DNAH17: variants seen among roughly 807,000 people sequenced by gnomAD.
DNAH17 encodes the protein axonemal beta dynein heavy chain 17.
DNAH17 carries 376 observed loss-of-function variants against 485.6 expected under a neutral mutation model. The ratio of observed to expected loss-of-function variants is 0.77; its 90% confidence interval spans 0.71 to 0.84. The LOEUF (loss-of-function observed/expected upper bound fraction) is 0.84. Among genes scored for constraint, DNAH17 ranks in the 40% least tolerant of loss-of-function variants. DNAH17 has a pLI of 0.00. For missense variants in DNAH17, 6,370 were observed against 5,839.3 expected, an observed-to-expected ratio of 1.09 and a Z score of -2.96; for synonymous variants, 3,031 against 2,405.9, an observed-to-expected ratio of 1.26 and a Z score of -7.60.
At position 78,454,619 on chromosome 17, in the gene DNAH17, G is replaced by A; in HGVS notation, c.10257C>T (p.Leu3419=). ...TCTCGGTGGACATGCGGTCGCTGGG[G>A]AGGCCCTGGTTGTTCCAGGTGGCCA... ...ADVATWNNQG[L]PSDRMSTENA... The change falls in exon 64 of 81, where the codon CTC becomes CTT. Residue 3419 remains leucine (L), a synonymous_variant. Coordinates refer to ENST00000389840, the MANE Select transcript of DNAH17 (RefSeq NM_173628.4). 6.2e-7 allele frequency: 1 copy of A among 1,612,542 alleles called. No homozygotes were observed. Among genetic ancestry groups the A allele is most frequent in the Non-Finnish European group, 8.5e-7 (1 of 1,179,702 alleles).
chr17:78,560,303 G>A (rs1263976511), intron 13 of DNAH17, among the ~76,000 whole-genome samples: 3 of 152,192 alleles, frequency 2.0e-5, no homozygotes, highest in East Asian at 3.9e-4. Context: ...CTTGCCACGT[G>A]CAGATTGGGC....
chr17:78,427,182 G>T lies in DNAH17; in HGVS notation c.12589-74C>A, dbSNP rs377493055. 1.3e-5 allele frequency: 19 copies of T among 1,478,398 alleles called. No homozygotes were observed. The African/African-American group carries it at 2.5e-4, about 20-fold the overall frequency. 91.6% of individuals were successfully genotyped at this position (1,478,398 alleles called of 1,614,324 possible). A position where few individuals can be genotyped will look rare whatever the true frequency, so the allele number is the denominator to read the frequency against. On this transcript the variant is annotated intron_variant, in intron 77 of 80. Transcript: ENST00000389840. The stretch of plus-strand genomic sequence containing the variant: ...CACCCACTGCAGGGTCAGGGAGCCT[G>T]CCCAAAATGTTCCCAGCCCCAAGTC...
chr17:78,426,941 C>T lies in DNAH17; in HGVS notation c.12756G>A (p.Leu4252=). ...CCATGTTTACCTTCAGCCCCAGGTT[C>T]AGCTCCTTGAGCGAACGGCGCATTT... ...TNEMRRSLKE[L]NLGLKGELTI... Residue 4252 remains leucine (L), a synonymous_variant, in exon 78 of 81, where the codon CTG becomes CTA. Coordinates refer to ENST00000389840, the MANE Select transcript of DNAH17 (RefSeq NM_173628.4). 1.2e-6 allele frequency: 2 copies of T among 1,606,438 alleles called. No homozygotes were observed. Among genetic ancestry groups the T allele is most frequent in the South Asian group, 2.2e-5 (2 of 89,502 alleles).
intron 19 of DNAH17, among the ~76,000 whole-genome samples, chr17:78,534,255 T>A (rs572900939): frequency 2.0e-5 from 3 of 152,262 alleles, no homozygotes; most frequent in East Asian, 3.9e-4. Flanking sequence ...AGAGGCCCCA[T>A]CGGGACCCAG....
In DNAH17 at chr17:78,529,708, G is replaced by A. The variant is rs760996214; in HGVS notation, c.3285-14C>T. 4 of 1,612,854 alleles carry A rather than the reference G, an allele frequency of 2.5e-6. No individual in the cohort carries two copies. In the Admixed American group the frequency reaches 6.7e-5, roughly 27 times the overall value. On this transcript the variant is annotated splice_polypyrimidine_tract_variant and intron_variant, in intron 21 of 80. Coordinates refer to ENST00000389840, the MANE Select transcript of DNAH17 (RefSeq NM_173628.4). Reference sequence around the variant, plus strand: ...AGGTCAGCCAGGCTAAGGGACAAGGGGACCATTTGTGTGGCCCCAGCCCCC... The same window carrying A: ...AGGTCAGCCAGGCTAAGGGACAAGGAGACCATTTGTGTGGCCCCAGCCCCC...
chr17:78,492,551 C>T, intron 42 of DNAH17, 82 bp downstream of exon 42: 1 of 1,562,792 alleles, frequency 6.4e-7, no homozygotes. Context: ...GGCTGGCCTT[C>T]CACGTGGGAA....
At chr17:78,540,217 C>A (rs1024909927) in intron 17 of DNAH17, among the ~76,000 whole-genome samples, 5 of 148,858 alleles carry the variant, frequency 3.4e-5, no homozygotes, top group South Asian at 4.3e-4. Context: ...TTTTATTTGT[C>A]TTTGTCTTTG....
At chr17:78,492,965 CT>C (rs1348181135) in intron 41 of DNAH17, 200 bp from the exon 42 acceptor site, 4 of 476,866 alleles carry the variant, frequency 8.4e-6, no homozygotes, top group African/African-American at 2.0e-5. Flanking sequence ...ATTCTCTTGC[CT>C]TAGCTTCCCA....
intron 75 of DNAH17, among the ~76,000 whole-genome samples, chr17:78,433,731 G>A (rs1321756210): frequency 6.6e-6 from 1 of 152,054 alleles, no homozygotes; most frequent in African/African-American, 2.4e-5. Flanking sequence ...AGGTGGCGTG[G>A]AGTGTGCTAA....
chr17:78,494,911 A>G (rs547279755), intron 39 of DNAH17, 48 bp downstream of exon 39: 3 of 1,588,764 alleles, frequency 1.9e-6, no homozygotes, highest in Admixed American at 1.7e-5. Context: ...TGCTGCCCGC[A>G]TCTCAAACTC....
chr17:78,454,780 A>C, intron 63 of DNAH17, 75 bp from the exon 64 acceptor site: 5 of 1,302,842 alleles, frequency 3.8e-6, no homozygotes, highest in South Asian at 1.3e-5. Context: ...TCTCCAAATA[A>C]TGCTCTGTCT....
intron 74 of DNAH17, among the ~76,000 whole-genome samples, chr17:78,434,868 C>A (rs965994780): frequency 6.6e-6 from 1 of 152,198 alleles, no homozygotes; most frequent in African/African-American, 2.4e-5. Flanking sequence ...CAGCGGCTGA[C>A]GGAGCACCTC....
chr17:78,458,910 C>T lies in DNAH17; in HGVS notation c.9861+91G>A, dbSNP rs2289753. Reference sequence around the variant, plus strand: ...TGCTGAATAATTCATGACGGCGGGCCGTGCCAACCCATTTTCAACAGAGGT... The same window carrying T: ...TGCTGAATAATTCATGACGGCGGGCTGTGCCAACCCATTTTCAACAGAGGT... On this transcript the variant is annotated intron_variant, in intron 61 of 80. Coordinates refer to ENST00000389840, the MANE Select transcript of DNAH17 (RefSeq NM_173628.4). 2.4e-3 allele frequency: 3,272 copies of T among 1,389,850 alleles called. 61 individuals are homozygous for T. In the South Asian group the frequency reaches 0.025, roughly 10 times the overall value. 86.1% of individuals were successfully genotyped at this position (1,389,850 alleles called of 1,614,324 possible).
intron 3 of DNAH17, among the ~76,000 whole-genome samples, chr17:78,572,448 G>A (rs577946912): frequency 1.6e-4 from 25 of 152,206 alleles, no homozygotes; most frequent in Admixed American, 7.8e-4. Flanking sequence ...GTGACCCAGC[G>A]GGGGGTGTGG....
In DNAH17 at chr17:78,537,481, C is replaced by T; in HGVS notation, c.2677G>A (p.Glu893Lys). The T allele has an allele frequency of 1.2e-6, 2 of 1,613,048 alleles. No individual in the cohort carries two copies. Among genetic ancestry groups the T allele is most frequent in the Non-Finnish European group, 1.7e-6 (2 of 1,179,724 alleles). The part of the protein sequence containing the change: ...SFLMDNMVID[E>K]SIAPLFEIRM... Reference sequence around the variant, plus strand: ...ATCTCAAACAGGGGAGCGATACTCTCCTGAAAGAGGGGTGGGGTTGGCAGT... The same window carrying T: ...ATCTCAAACAGGGGAGCGATACTCTTCTGAAAGAGGGGTGGGGTTGGCAGT... The change falls in exon 19 of 81, where the codon GAG (glutamate) becomes AAG (lysine). Residue 893 changes from glutamate (E) to lysine (K), a missense_variant and splice_region_variant. Physicochemically the swap from Glu to Lys is moderately conservative, Grantham distance 56. Transcript: ENST00000389840.
chr17:78,567,684 C>T (rs558617544), intron 9 of DNAH17, among the ~76,000 whole-genome samples: 11 of 152,276 alleles, frequency 7.2e-5, no homozygotes, highest in South Asian at 6.2e-4. Context: ...TCTGCTTCCT[C>T]GCCGGTGTGG....
chr17:78,480,924 G>T (rs2089320049), intron 48 of DNAH17, 138 bp from the exon 49 acceptor site: 4 of 647,928 alleles, frequency 6.2e-6, no homozygotes, highest in Non-Finnish European at 1.1e-5. Context: ...AGGCTGGAGT[G>T]CAGTGGCACA....
At chr17:78,451,940 G>C (rs2087572376) in intron 65 of DNAH17, among the ~76,000 whole-genome samples, 1 of 151,906 alleles carries the variant, frequency 6.6e-6, no homozygotes, top group African/African-American at 2.4e-5. Flanking sequence ...GCGATACTCT[G>C]TCCTCCCCTG....
chr17:78,512,878 T>C (rs1333691341), intron 26 of DNAH17, among the ~76,000 whole-genome samples: 1 of 142,366 alleles, frequency 7.0e-6, no homozygotes, highest in Non-Finnish European at 1.5e-5. Flanking sequence ...GAGGTGGAGG[T>C]TGCAGTGAGC....
Sources: allele counts gnomAD v4.1 joint callset (sites outside exome capture counted in the v4.1 genomes callset), GRCh38; gene constraint gnomAD v4.1.1; transcripts MANE v1.5; gene names NCBI Gene and HGNC (gene_info 2026-07-23, HGNC 2026-07-21).